Variants in INPP5D observed in about 807,000 individuals in gnomAD.
INPP5D encodes the protein phosphatidylinositol 3,4,5-trisphosphate 5-phosphatase 1.
In INPP5D, 33 loss-of-function variants were observed where a neutral mutation model predicts 122.9. The ratio of observed to expected loss-of-function variants is 0.27; its 90% CI spans 0.20 to 0.36. The LOEUF (loss-of-function observed/expected upper bound fraction) is 0.36, where lower values mean the gene tolerates loss of function less well. Ranked by LOEUF, INPP5D falls within the 10% of genes least tolerant of loss-of-function variation. The pLI is 1.00. For missense variants in INPP5D, 1,053 were observed against 1,412.7 expected (o/e 0.75, Z 4.08); for synonymous variants, 584 against 576.2 (o/e 1.01, Z -0.19).
At chr2:233,173,208 CAAAAA>C (rs199492575) in intron 17 of INPP5D, among the ~76,000 whole-genome samples, 1 of 100,052 alleles carries the variant, frequency 1.0e-5, no homozygotes, top group African/African-American at 3.9e-5. Context: ...GACTGTGTCT[CAAAAA>C]AAAAAAAAAA....
At chr2:233,173,848 G>A (rs543181891) in intron 17 of INPP5D, among the ~76,000 whole-genome samples, 1 of 152,150 alleles carries the variant, frequency 6.6e-6, no homozygotes, top group South Asian at 2.1e-4. Context: ...CAGGAGAATC[G>A]CTTGAAACCT....
intron 1 of INPP5D, 72 bp downstream of exon 1, chr2:233,060,684 G>A (rs1382605408): frequency 1.3e-6 from 2 of 1,582,940 alleles, no homozygotes; most frequent in Non-Finnish European, 1.7e-6. Context: ...GCTTTGAGAT[G>A]GGTTGTTCTT....
intron 13 of INPP5D, among the ~76,000 whole-genome samples, chr2:233,165,568 C>T (rs1694311376): frequency 7.2e-6 from 1 of 138,746 alleles, no homozygotes; most frequent in African/African-American, 2.7e-5. Context: ...GTGTGTGTGT[C>T]CATGCATGTG....
chr2:233,169,422 C>G lies in INPP5D; in HGVS notation c.1652+21C>G, dbSNP rs189920601. ...CTCAGGTAATGGAACTCCTTCCCCC[C>G]AAGAGTGTGCATTTGGGCTGTCTGC... On this transcript the variant is annotated intron_variant, in intron 14 of 26. Coordinates refer to ENST00000445964, the MANE Select transcript of INPP5D (RefSeq NM_001017915.3). 8 of 1,569,900 alleles carry G rather than the reference C, an allele frequency of 5.1e-6. No homozygotes were observed. In the South Asian group the frequency reaches 8.2e-5, roughly 16 times the overall value.
At chr2:233,126,140 CG>C (rs1037929959) in intron 4 of INPP5D, among the ~76,000 whole-genome samples, 1 of 152,216 alleles carries the variant, frequency 6.6e-6, no homozygotes, top group African/African-American at 2.4e-5. Flanking sequence ...AAGTGCTCCA[CG>C]GGGGTGGGGG....
intron 2 of INPP5D, among the ~76,000 whole-genome samples, chr2:233,115,711 C>A (rs1692769207): frequency 1.3e-5 from 2 of 152,188 alleles, no homozygotes; most frequent in Non-Finnish European, 2.9e-5. Context: ...GTCTCTGGTT[C>A]CCTCAACACC....
At chr2:233,103,792 T>C (rs1028912488) in intron 2 of INPP5D, among the ~76,000 whole-genome samples, 1 of 145,232 alleles carries the variant, frequency 6.9e-6, no homozygotes, top group African/African-American at 2.5e-5. Context: ...CTGCAACCTC[T>C]ACCTCCCAGG....
At chr2:233,094,644 T>G (rs1364684409) in intron 2 of INPP5D, among the ~76,000 whole-genome samples, 1 of 151,596 alleles carries the variant, frequency 6.6e-6, no homozygotes, top group Non-Finnish European at 1.5e-5. Flanking sequence ...CAGAGTCTGG[T>G]CCACAGGCCA....
chr2:233,099,300 CA>C (rs1246062669), intron 2 of INPP5D, among the ~76,000 whole-genome samples: 1 of 152,182 alleles, frequency 6.6e-6, no homozygotes, highest in Non-Finnish European at 1.5e-5. Context: ...ATGGCTACAC[CA>C]GCCCGTTACT....
Position 233,147,490 on chromosome 2 carries a change from G to T in INPP5D, c.926G>T (p.Gly309Val). ...TCTAAGGTGAAGGCAGAGTCTCTGGGGATTCCTCAGAAAATGCAGCTCAAA... is the reference window on the plus strand; with the variant it reads ...TCTAAGGTGAAGGCAGAGTCTCTGGTGATTCCTCAGAAAATGCAGCTCAAA... ...VTFEVKAESL[G>V]IPQKMQLKVD... is the part of the protein sequence containing the mutation. Residue 309 changes from glycine (G) to valine (V), a missense_variant, in exon 9 of 27, where the codon GGG becomes GTG. By Grantham distance (109) the Gly-to-Val change is moderately radical. This residue lies in a region of INPP5D where 196 missense variants were observed against 175.6 expected (regional missense o/e 1.12). Transcript: ENST00000445964. 1 of 704,224 alleles carries T rather than the reference G, an allele frequency of 1.4e-6. No homozygotes were observed. The highest frequency in any genetic ancestry group is 2.6e-6 in the Non-Finnish European group (1 of 384,988). 43.6% of individuals were successfully genotyped at this position (704,224 alleles called of 1,614,324 possible).
At chr2:233,184,280 T>C in intron 19 of INPP5D, 128 bp from the exon 20 acceptor site, 2 of 1,334,284 alleles carry the variant, frequency 1.5e-6, no homozygotes, top group Non-Finnish European at 2.0e-6. Context: ...GCTTTAGTTC[T>C]CCTCCCACTA....
intron 9 of INPP5D, among the ~76,000 whole-genome samples, chr2:233,151,645 T>A (rs1693929203): frequency 6.6e-6 from 1 of 152,228 alleles, no homozygotes; most frequent in Non-Finnish European, 1.5e-5. Context: ...ACTTGCAATG[T>A]CATCCATCAT....
At position 233,130,668 on chromosome 2, in the gene INPP5D, G is replaced by A. The variant is rs1559309303; in HGVS notation, c.665+20G>A. On this transcript the variant is annotated intron_variant, in intron 5 of 26. Coordinates refer to ENST00000445964, the MANE Select transcript of INPP5D (RefSeq NM_001017915.3). ...CTATGGGTAATGGCTGGCCCACGGGGGCGGGCAGGTGGGGGCGGCCACCAG... is the reference window on the plus strand; with the variant it reads ...CTATGGGTAATGGCTGGCCCACGGGAGCGGGCAGGTGGGGGCGGCCACCAG... The A allele has an allele frequency of 6.2e-7, 1 of 1,613,610 alleles. No homozygotes were observed. The highest frequency in any genetic ancestry group is 8.5e-7 in the Non-Finnish European group (1 of 1,179,662).
At chr2:233,200,991 A>C (rs1695315259) in intron 25 of INPP5D, among the ~76,000 whole-genome samples, 1 of 150,878 alleles carries the variant, frequency 6.6e-6, no homozygotes, top group Admixed American at 6.6e-5. Context: ...TAAATAAATA[A>C]ATAAATAAAT....
At chr2:233,106,464 A>G (rs1037498174) in intron 2 of INPP5D, among the ~76,000 whole-genome samples, 1 of 152,188 alleles carries the variant, frequency 6.6e-6, no homozygotes, top group African/African-American at 2.4e-5. Context: ...TTTTGCCCAC[A>G]TTGCACTGGC....
chr2:233,125,726 T>C lies in INPP5D; in HGVS notation c.350-19T>C, dbSNP rs750595499. On this transcript the variant is annotated intron_variant, in intron 3 of 26. Coordinates refer to ENST00000445964, the MANE Select transcript of INPP5D (RefSeq NM_001017915.3). ...GCGCACAGTGTCCTCACCAATGGCC[T>C]TCCTGCTGTTCTCTCCAGTAGAAAG... The C allele has an allele frequency of 1.2e-6, 2 of 1,605,714 alleles. No homozygotes were observed. The highest frequency in any genetic ancestry group is 8.5e-7 in the Non-Finnish European group (1 of 1,175,500).
In INPP5D at chr2:233,106,245, A is replaced by G. The variant is rs1692465618; in HGVS notation, c.199-15862A>G. 1.3e-5 allele frequency among the ~76,000 whole-genome samples: 2 copies of G among 152,128 alleles called. 1 individual carries two copies. Among genetic ancestry groups the G allele is most frequent in the South Asian group, 4.1e-4 (2 of 4,828 alleles). On this transcript the variant is annotated intron_variant, in intron 2 of 26. Coordinates refer to ENST00000445964, the MANE Select transcript of INPP5D (RefSeq NM_001017915.3). ...TCTGCAGGTCTGCTGTGGTTGGCTA[A>G]TCTAGTTGGGCTGTCTTGGACTCAG...
In INPP5D at chr2:233,198,653, CA is replaced by C. The variant is rs1007522954; in HGVS notation, c.2975+283del. Among the ~76,000 whole-genome samples, 17 of 152,182 alleles carry C rather than the reference CA, an allele frequency of 1.1e-4. No homozygotes were observed. In the South Asian group the frequency reaches 1.7e-3, roughly 15 times the overall value. On this transcript the variant is annotated intron_variant, in intron 25 of 26. Transcript: ENST00000445964. ...CCTCCTATAAAAACTATATACATAT[CA>C]AAAAACATGTTTTGGGCCGGGCATG... is the stretch of plus-strand genomic sequence containing the variant.
At chr2:233,161,976 A>C in intron 11 of INPP5D, 150 bp downstream of exon 11, 1 of 1,271,588 alleles carries the variant, frequency 7.9e-7, no homozygotes, top group Non-Finnish European at 1.0e-6. Context: ...CACCCGCACA[A>C]CCTCCTTCCT....
Sources: gnomAD v4.1 joint callset for allele counts (sites outside exome capture counted in the v4.1 genomes callset) on GRCh38, gnomAD v4.1.1 for gene constraint, gnomAD v4.1.1 regional missense constraint, MANE v1.5 for transcripts, NCBI Gene and HGNC (gene_info 2026-07-23, HGNC 2026-07-21) for gene names.